The following RTL4 variants were observed in gnomAD, a reference collection of about 807,000 sequenced individuals.
RTL4 encodes retrotransposon Gag like 4, also known as retrotransposon Gag-like protein 4.
A neutral mutation model predicts 5.3 loss-of-function variants in RTL4; 4 were observed. That is an observed-to-expected ratio of 0.75 (90% CI 0.37 to 1.72). The LOEUF (loss-of-function observed/expected upper bound fraction) is 1.72, where lower values mean the gene tolerates loss of function less well. Ranked by LOEUF, RTL4 falls within the 40% of genes most tolerant of loss-of-function variation. The pLI is 0.04. For synonymous variants in RTL4, 98 were observed against 87.3 expected (o/e 1.12, Z -0.68); for missense variants, 260 against 227.1 (o/e 1.14, Z -0.93).
chrX:112,111,726 G>A, the RTL4 span, among the ~76,000 whole-genome samples: 487 of 112,389 alleles, frequency 4.3e-3, 4 homozygotes, highest in African/African-American at 0.014. Flanking sequence ...CATCACTAAC[G>A]ATGGCATAAC....
At chrX:112,221,442 G>T in the RTL4 span, among the ~76,000 whole-genome samples, 1 of 111,577 alleles carries the variant, frequency 9.0e-6, no homozygotes, top group Non-Finnish European at 1.9e-5. Context: ...CTCCAGCCAG[G>T]TCATGAGGAA....
the RTL4 span, among the ~76,000 whole-genome samples, chrX:112,346,677 T>G: frequency 1.1e-4 from 12 of 111,248 alleles, no homozygotes; most frequent in African/African-American, 3.9e-4. Context: ...ATACTTCGGA[T>G]GTGTGTAAAG....
the RTL4 span, among the ~76,000 whole-genome samples, chrX:112,392,059 C>G: frequency 6.5e-3 from 728 of 111,748 alleles, 9 homozygotes; most frequent in African/African-American, 0.022. Flanking sequence ...GGCCTCCTCT[C>G]CTTGGGTTGA....
chrX:112,226,947 A>AAATAAAAT, the RTL4 span, among the ~76,000 whole-genome samples: 2 of 58,268 alleles, frequency 3.4e-5, no homozygotes, highest in African/African-American at 2.4e-4. Context: ...AAATAAAATA[A>AAATAAAAT]AAATAAAATA....
At chrX:112,226,338 C>G in the RTL4 span, among the ~76,000 whole-genome samples, 1 of 112,042 alleles carries the variant, frequency 8.9e-6, no homozygotes, top group Non-Finnish European at 1.9e-5. Flanking sequence ...CTTTATGAAG[C>G]CTTCCATGTA....
chrX:112,104,234 T>C, the RTL4 span, among the ~76,000 whole-genome samples: 2 of 112,490 alleles, frequency 1.8e-5, no homozygotes, highest in African/African-American at 6.4e-5. Context: ...CAGGATTTCT[T>C]TATTTTATTG....
the RTL4 span, among the ~76,000 whole-genome samples, chrX:112,411,353 T>C: frequency 1.8e-5 from 2 of 111,651 alleles, no homozygotes; most frequent in Non-Finnish European, 3.8e-5. Flanking sequence ...ACTCATTCTA[T>C]GAGGCCAGTA....
At chrX:112,161,836 C>CTTTT in the RTL4 span, among the ~76,000 whole-genome samples, 3 of 35,233 alleles carry the variant, frequency 8.5e-5, no homozygotes, top group African/African-American at 3.9e-4. Flanking sequence ...TTCCTTCCTT[C>CTTTT]CTTCCTTCCT....
the RTL4 span, among the ~76,000 whole-genome samples, chrX:112,352,696 A>T: frequency 2.2e-5 from 2 of 89,503 alleles, no homozygotes; most frequent in Non-Finnish European, 4.1e-5. Flanking sequence ...TGGATTAAAG[A>T]CTTACATGTT....
At chrX:112,308,674 G>C in the RTL4 span, among the ~76,000 whole-genome samples, 2 of 111,500 alleles carry the variant, frequency 1.8e-5, no homozygotes, top group African/African-American at 6.5e-5. Context: ...CCTGCTGTTT[G>C]CCACATAGTA....
At chrX:112,173,054 G>A in the RTL4 span, among the ~76,000 whole-genome samples, 1 of 109,656 alleles carries the variant, frequency 9.1e-6, no homozygotes, top group East Asian at 2.9e-4. Context: ...AATAGATGCT[G>A]GTCTTAATAC....
At chrX:112,452,417 T>A (rs989449885), upstream of RTL4, among the ~76,000 whole-genome samples, 11 of 109,454 alleles carry the variant, frequency 1.0e-4, no homozygotes, top group Admixed American at 8.8e-4. Context: ...GGCCAATCAT[T>A]AACCCTTATT....
At chrX:112,309,987 G>A in the RTL4 span, among the ~76,000 whole-genome samples, 2 of 104,411 alleles carry the variant, frequency 1.9e-5, no homozygotes, top group Non-Finnish European at 3.9e-5. Flanking sequence ...CTTGGGAGGA[G>A]GAGGTTGCAC....
At chrX:112,194,156 T>C in the RTL4 span, among the ~76,000 whole-genome samples, 3 of 112,043 alleles carry the variant, frequency 2.7e-5, no homozygotes, top group Non-Finnish European at 5.6e-5. Flanking sequence ...TAACCAATAG[T>C]TTATCTCTAA....
chrX:112,095,519 G>T, the RTL4 span, among the ~76,000 whole-genome samples: 1 of 111,625 alleles, frequency 9.0e-6, no homozygotes, highest in Non-Finnish European at 1.9e-5. Context: ...AGCTGGGAAT[G>T]TGATGGATCA....
chrX:112,311,908 C>G, the RTL4 span, among the ~76,000 whole-genome samples: 1 of 111,132 alleles, frequency 9.0e-6, no homozygotes, highest in Non-Finnish European at 1.9e-5. Context: ...ATCTTTCCAA[C>G]CCAAATCACT....
At chrX:112,104,448 A>AT in the RTL4 span, among the ~76,000 whole-genome samples, 6,928 of 109,086 alleles carry the variant, frequency 0.064, 214 homozygotes, top group African/African-American at 0.1. Flanking sequence ...TGGTAATTTT[A>AT]TTTTTTTTTG....
chrX:112,161,832 C>CTTTCTTTCTTTCTTTCTTT, the RTL4 span, among the ~76,000 whole-genome samples: 5 of 26,644 alleles, frequency 1.9e-4, no homozygotes, highest in African/African-American at 4.8e-4. Flanking sequence ...TTCCTTCCTT[C>CTTTCTTTCTTTCTTTCTTT]CTTCCTTCCT....
chrX:112,412,435 C>T, the RTL4 span, among the ~76,000 whole-genome samples: 4 of 111,670 alleles, frequency 3.6e-5, no homozygotes, highest in African/African-American at 1.3e-4. Context: ...GGAAGAATCA[C>T]ATTACCTGAC....
Sources: gnomAD v4.1 joint callset for allele counts (sites outside exome capture counted in the v4.1 genomes callset) on GRCh38, gnomAD v4.1.1 for gene constraint, MANE v1.5 for transcripts, NCBI Gene and HGNC (gene_info 2026-07-23, HGNC 2026-07-21) for gene names.